The following PDS5B variants were observed in gnomAD, a reference collection of about 807,000 sequenced individuals.
The protein encoded by PDS5B is sister chromatid cohesion protein PDS5 homolog B.
In PDS5B, 51 loss-of-function variants were observed where a neutral mutation model predicts 184.1. The observed-to-expected ratio is 0.28, with a 90% confidence interval of 0.22 to 0.35. The LOEUF (loss-of-function observed/expected upper bound fraction) is 0.35, where lower values mean the gene tolerates loss of function less well. PDS5B is among the 10% of genes least tolerant of loss of function. The pLI is 1.00. For missense variants in PDS5B, 1,180 were observed against 1,723.3 expected, an observed-to-expected ratio of 0.68 and a Z score of 5.58; for synonymous variants, 566 against 569.2, an observed-to-expected ratio of 0.99 and a Z score of 0.08.
intron 33 of PDS5B, 64 bp downstream of exon 33, chr13:32,770,825 TAAAC>T: frequency 8.7e-7 from 1 of 1,152,790 alleles, no homozygotes; most frequent in Non-Finnish European, 1.3e-6. Context: ...CCTAAATTTG[TAAAC>T]ATACATATTG....
intron 1 of PDS5B, among the ~76,000 whole-genome samples, chr13:32,637,430 A>G (rs1263438459): frequency 2.0e-5 from 3 of 152,116 alleles, no homozygotes; most frequent in Non-Finnish European, 4.4e-5. Context: ...AGGGAGAAAA[A>G]AATTGGGAGA....
At chr13:32,641,931 C>CT (rs1199617276) in intron 1 of PDS5B, among the ~76,000 whole-genome samples, 2 of 152,002 alleles carry the variant, frequency 1.3e-5, no homozygotes, top group South Asian at 2.1e-4. Flanking sequence ...GGGCAGAGCT[C>CT]TTTCTTGTAC....
chr13:32,748,790 C>G (rs1953857831), intron 24 of PDS5B, among the ~76,000 whole-genome samples: 1 of 152,026 alleles, frequency 6.6e-6, no homozygotes, highest in Non-Finnish European at 1.5e-5. Context: ...TTAAATAAAT[C>G]TGAATGGCAT....
At chr13:32,614,845 A>G (rs553580939) in intron 1 of PDS5B, among the ~76,000 whole-genome samples, 1 of 152,156 alleles carries the variant, frequency 6.6e-6, no homozygotes, top group Non-Finnish European at 1.5e-5. Context: ...ATTTTCTTGT[A>G]TCTTCCTCTT....
At chr13:32,735,912 G>GT (rs1377026988) in intron 21 of PDS5B, among the ~76,000 whole-genome samples, 1 of 151,842 alleles carries the variant, frequency 6.6e-6, no homozygotes, top group Non-Finnish European at 1.5e-5. Flanking sequence ...CTGATTTTTT[G>GT]TTTTCAGTTT....
intron 1 of PDS5B, among the ~76,000 whole-genome samples, chr13:32,608,648 G>A (rs776888361): frequency 6.6e-6 from 1 of 152,138 alleles, no homozygotes; most frequent in Non-Finnish European, 1.5e-5. Context: ...TGACCCATAA[G>A]CTCAAACTTG....
At chr13:32,613,833 ATC>A (rs1440587820) in intron 1 of PDS5B, among the ~76,000 whole-genome samples, 2 of 152,142 alleles carry the variant, frequency 1.3e-5, no homozygotes, top group Non-Finnish European at 2.9e-5. Context: ...AAGGATTTAA[ATC>A]TCTGTTTTTG....
intron 3 of PDS5B, among the ~76,000 whole-genome samples, chr13:32,656,865 G>A (rs1950526744): frequency 6.6e-6 from 1 of 152,198 alleles, no homozygotes; most frequent in African/African-American, 2.4e-5. Context: ...CCAAAGTGCT[G>A]GGATTACAGG....
At chr13:32,703,138 GACAA>G (rs1566348702) in intron 17 of PDS5B, among the ~76,000 whole-genome samples, 1 of 152,014 alleles carries the variant, frequency 6.6e-6, no homozygotes, top group Non-Finnish European at 1.5e-5. Context: ...ACTTGTACAT[GACAA>G]ACAATTAAAA....
chr13:32,601,160 T>G (rs731414), intron 1 of PDS5B, among the ~76,000 whole-genome samples: 52,178 of 152,034 alleles, frequency 0.34, 9,192 homozygotes, highest in Non-Finnish European at 0.38. Flanking sequence ...GATCTCCAGT[T>G]TCTACTTGCT....
chr13:32,597,455 T>C (rs928125628), intron 1 of PDS5B, among the ~76,000 whole-genome samples: 7 of 151,936 alleles, frequency 4.6e-5, no homozygotes, highest in Non-Finnish European at 1.0e-4. Flanking sequence ...TCCCAACTAC[T>C]TGGGAAGCAA....
At chr13:32,760,352 C>T (rs565985048) in intron 29 of PDS5B, among the ~76,000 whole-genome samples, 3 of 152,068 alleles carry the variant, frequency 2.0e-5, no homozygotes, top group African/African-American at 7.2e-5. Context: ...TTATGTAAGC[C>T]GTTTTCTCCA....
chr13:32,689,566 G>A (rs1951489170), intron 13 of PDS5B: 1 of 151,974 alleles, frequency 6.6e-6, no homozygotes, highest in Non-Finnish European at 1.5e-5. Flanking sequence ...TGGCAACCCT[G>A]GTTTAAGTGA....
At chr13:32,674,099 C>G (rs1951006895) in intron 8 of PDS5B, among the ~76,000 whole-genome samples, 1 of 152,204 alleles carries the variant, frequency 6.6e-6, no homozygotes, top group African/African-American at 2.4e-5. Context: ...AGGCATAAAC[C>G]ACCACCCCTG....
chr13:32,621,132 T>A (rs1050570214), intron 1 of PDS5B, among the ~76,000 whole-genome samples: 1 of 152,250 alleles, frequency 6.6e-6, no homozygotes, highest in African/African-American at 2.4e-5. Flanking sequence ...TATGTATGTT[T>A]ATGAGTTTTC....
intron 19 of PDS5B, among the ~76,000 whole-genome samples, chr13:32,722,883 G>A (rs983073802): frequency 2.0e-5 from 3 of 152,188 alleles, no homozygotes; most frequent in Non-Finnish European, 4.4e-5. Flanking sequence ...TGCTCAGAAC[G>A]CCTTAAGAAG....
chr13:32,700,312 GC>G (rs2140868985), intron 16 of PDS5B, among the ~76,000 whole-genome samples: 1 of 152,072 alleles, frequency 6.6e-6, no homozygotes, highest in African/African-American at 2.4e-5. Context: ...CATTTTTAAA[GC>G]CTTTAATATG....
chr13:32,640,324 G>T (rs1259435534), intron 1 of PDS5B, among the ~76,000 whole-genome samples: 5 of 152,292 alleles, frequency 3.3e-5, no homozygotes, highest in South Asian at 2.1e-4. Flanking sequence ...TCAGCTCACT[G>T]CAACCTCCAC....
chr13:32,752,122 C>T (rs7318510), intron 24 of PDS5B, among the ~76,000 whole-genome samples: 58,982 of 151,448 alleles, frequency 0.39, 11,953 homozygotes, highest in Non-Finnish European at 0.45. Flanking sequence ...GAACTTTTCC[C>T]TGTGCAGTAG....
Sources: gnomAD v4.1 joint callset for allele counts (sites outside exome capture counted in the v4.1 genomes callset) on GRCh38, gnomAD v4.1.1 for gene constraint, MANE v1.5 for transcripts, NCBI Gene and HGNC (gene_info 2026-07-23, HGNC 2026-07-21) for gene names.